HRG: variants seen among roughly 807,000 people sequenced by gnomAD.
HRG encodes histidine-rich glycoprotein.
A neutral mutation model predicts 29.5 loss-of-function variants in HRG; 26 were observed. The observed-to-expected ratio is 0.88, with a 90% CI of 0.65 to 1.22. The LOEUF is 1.22. Ranked by LOEUF, HRG falls within the 50% of genes most tolerant of loss-of-function variation. HRG has a pLI of 0.00. For missense variants in HRG, 671 were observed against 654.5 expected (o/e 1.03, Z -0.28); for synonymous variants, 243 against 240.4 (o/e 1.01, Z -0.10).
At chr3:186,667,464 CTTCAG>C (rs780976507) in intron 1 of HRG, among the ~76,000 whole-genome samples, 1 of 152,048 alleles carries the variant, frequency 6.6e-6, no homozygotes, top group Non-Finnish European at 1.5e-5. Context: ...TTCCCATTTT[CTTCAG>C]TTCAAAGGAC....
At chr3:186,669,245 C>T (rs1718709726) in intron 2 of HRG, among the ~76,000 whole-genome samples, 194 bp downstream of exon 2, 3 of 152,190 alleles carry the variant, frequency 2.0e-5, no homozygotes, top group Admixed American at 2.0e-4. Flanking sequence ...GACAACTCAG[C>T]AGGGTGTGTG....
chr3:186,677,885 A>T lies in HRG; in HGVS notation c.*2A>T, dbSNP rs962473855. 6.2e-7 allele frequency: 1 copy of T among 1,612,060 alleles called. No homozygotes were observed. The highest frequency in any genetic ancestry group is 1.3e-5 in the African/African-American group (1 of 74,902). The stretch of plus-strand genomic sequence containing the variant: ...TTTACACATACATTTCCAAAATAAA[A>T]TGTGATTCCTTTGAAGAGGAAAATG... On this transcript the variant is annotated 3_prime_UTR_variant, in exon 7 of 7. Coordinates refer to ENST00000232003, the MANE Select transcript of HRG (RefSeq NM_000412.5).
chr3:186,671,974 C>T (rs1453917162), intron 4 of HRG, among the ~76,000 whole-genome samples, 185 bp downstream of exon 4: 2 of 19,638 alleles, frequency 1.0e-4, no homozygotes, highest in African/African-American at 1.4e-4. Flanking sequence ...TTTCCTCAAA[C>T]ACTTTTTTTT....
intron 5 of HRG, chr3:186,673,082 A>G (rs1718857072): frequency 3.2e-6 from 2 of 623,444 alleles, no homozygotes; most frequent in South Asian, 1.9e-5. Context: ...CTTCTAAGTG[A>G]TTTACACATC....
chr3:186,677,069 T>A lies in HRG; in HGVS notation c.764T>A (p.Val255Glu). 1 of 1,614,076 alleles carries A rather than the reference T, an allele frequency of 6.2e-7. No homozygotes were observed. The highest frequency in any genetic ancestry group is 8.5e-7 in the Non-Finnish European group (1 of 1,179,936). The change falls in exon 7 of 7, where the codon GTA (valine) becomes GAA (glutamate). Residue 255 changes from valine to glutamate, a missense_variant. By Grantham distance (121) the Val-to-Glu change is moderately radical. Coordinates refer to ENST00000232003, the MANE Select transcript of HRG (RefSeq NM_000412.5). ...DPQEHENING[V>E]PPHLGHPFHW... ...CAGGAACATGAGAACATCAATGGTG[T>A]ACCGCCTCATTTGGGACATCCCTTC...
chr3:186,667,683 G>C (rs1718657096), intron 1 of HRG, among the ~76,000 whole-genome samples: 1 of 151,978 alleles, frequency 6.6e-6, no homozygotes, highest in Admixed American at 6.6e-5. Flanking sequence ...GTGAATTCCT[G>C]GCACCACCAC....
chr3:186,668,236 G>T (rs1459303461), intron 1 of HRG, among the ~76,000 whole-genome samples: 1 of 152,090 alleles, frequency 6.6e-6, no homozygotes, highest in South Asian at 2.1e-4. Flanking sequence ...CAAGAGACAG[G>T]GACATGAAGT....
Position 186,668,687 on chromosome 3 carries a change from G to A in HRG, c.184-248G>A, listed in dbSNP as rs565128560. ...ATGCCTCCGCTAAACCACCACTGCC[G>A]TTTAGTGATAGCTTCTTCAAGTTTA... On this transcript the variant is annotated intron_variant, in intron 1 of 6. Transcript: ENST00000232003. 18 of 475,546 alleles carry A rather than the reference G, an allele frequency of 3.8e-5. No individual in the cohort carries two copies. The East Asian group carries it at 4.4e-4, about 12-fold the overall frequency. 29.5% of individuals were successfully genotyped at this position (475,546 alleles called of 1,614,324 possible).
rs886729944 is a variant in HRG at position 186,677,809 on chromosome 3, G to A, written c.1504G>A (p.Glu502Lys). The change falls in exon 7 of 7, where the codon GAA becomes AAA. Residue 502 changes from glutamate (E) to lysine (K), a missense_variant. Coordinates refer to ENST00000232003, the MANE Select transcript of HRG (RefSeq NM_000412.5). The stretch of plus-strand genomic sequence containing the variant: ...TCAGCCCTTTCCTCAATCAGTCTCT[G>A]AATCATGTCCAGGGAAGTTCAAGAG... ...DNQPFPQSVSESCPGKFKSGF... is the reference protein window; with the variant it reads ...DNQPFPQSVSKSCPGKFKSGF... 6.2e-7 allele frequency: 1 copy of A among 1,614,152 alleles called. No homozygotes were observed. The highest frequency in any genetic ancestry group is 1.7e-5 in the Admixed American group (1 of 60,016).
At position 186,671,466 on chromosome 3, in the gene HRG, C is replaced by T. The variant is rs564539491; in HGVS notation, c.392-157C>T. On this transcript the variant is annotated intron_variant, in intron 3 of 6. Coordinates refer to ENST00000232003, the MANE Select transcript of HRG (RefSeq NM_000412.5). Reference sequence around the variant, plus strand: ...CGAAGGAAGAATCAGCAGTTTAGTTCGGTTGCCAAATGGCTGATTGATCTT... The same window carrying T: ...CGAAGGAAGAATCAGCAGTTTAGTTTGGTTGCCAAATGGCTGATTGATCTT... Among the ~76,000 whole-genome samples, 7 of 151,964 alleles carry T rather than the reference C, an allele frequency of 4.6e-5. No individual in the cohort carries two copies. In the East Asian group the frequency reaches 9.6e-4, roughly 21 times the overall value.
At chr3:186,671,890 G>T in intron 4 of HRG, 101 bp downstream of exon 4, 1 of 990,282 alleles carries the variant, frequency 1.0e-6, no homozygotes, top group Non-Finnish European at 1.6e-6. Context: ...CAATTGACTA[G>T]CTGCCTTTTA....
At chr3:186,671,542 A>C in intron 3 of HRG, 81 bp from the exon 4 acceptor site, 1 of 1,427,600 alleles carries the variant, frequency 7.0e-7, no homozygotes, top group Middle Eastern at 1.8e-4. Flanking sequence ...CCTTAAAATG[A>C]AAGTTATTGT....
intron 3 of HRG, among the ~76,000 whole-genome samples, chr3:186,671,228 A>C (rs1718778127): frequency 2.5e-4 from 2 of 8,016 alleles, no homozygotes; most frequent in Admixed American, 5.2e-3. Flanking sequence ...TCATATTAAT[A>C]CCTAAATATA....
intron 6 of HRG, among the ~76,000 whole-genome samples, 195 bp downstream of exon 6, chr3:186,675,385 G>A (rs1350757160): frequency 6.6e-6 from 1 of 151,958 alleles, no homozygotes; most frequent in Non-Finnish European, 1.5e-5. Flanking sequence ...GAGAGAGACA[G>A]ACAGACATGC....
rs1458673921 is a variant in HRG, at chr3:186,671,708, C to T, written c.477C>T (p.Asn159=). The T allele has an allele frequency of 6.2e-7, 1 of 1,613,986 alleles. No individual in the cohort carries two copies. The highest frequency in any genetic ancestry group is 1.1e-5 in the South Asian group (1 of 91,072). ...EDTERYRKQA[N]KALEKYKEEN... is the part of the protein sequence containing the mutation. ...CTGAGCGCTACAGAAAACAAGCCAACAAAGCCCTTGAGAAGTACAAAGAGG... is the reference window on the plus strand; with the variant it reads ...CTGAGCGCTACAGAAAACAAGCCAATAAAGCCCTTGAGAAGTACAAAGAGG... Residue 159 remains asparagine, a synonymous_variant, in exon 4 of 7, where the codon AAC becomes AAT. Coordinates refer to ENST00000232003, the MANE Select transcript of HRG (RefSeq NM_000412.5).
intron 5 of HRG, 65 bp downstream of exon 5, chr3:186,672,932 AGAAGGAGAAGGAGAAGGAGAG>A (rs921703097): frequency 2.1e-6 from 2 of 950,280 alleles, no homozygotes. Flanking sequence ...GAGAAGAAGG[AGAAGGAGAAGGAGAAGGAGAG>A]GAAGGAGAAG....
rs767975376 is a variant in HRG, at chr3:186,670,931, AC to A, written c.392-691del. 2.4e-3 allele frequency among the ~76,000 whole-genome samples: 365 copies of A among 152,300 alleles called. 2 individuals carry two copies. Among genetic ancestry groups the A allele is most frequent in the Non-Finnish European group, 4.2e-3 (286 of 68,038 alleles). On this transcript the variant is annotated intron_variant, in intron 3 of 6. Coordinates refer to ENST00000232003, the MANE Select transcript of HRG (RefSeq NM_000412.5). ...AGCAAATCCAAATATGATATTATAT[AC>A]AAAAATGCAAGATACTGCCACAGGA...
intron 2 of HRG, chr3:186,669,700 G>A: frequency 1.8e-6 from 1 of 549,678 alleles, no homozygotes; most frequent in Non-Finnish European, 3.3e-6. Flanking sequence ...TTGGGGTATG[G>A]CCATGATGCT....
rs1126720 is a variant in HRG at position 186,666,148 on chromosome 3, T to C, written c.117T>C (p.Asn39=). The change falls in exon 1 of 7, where the codon AAT becomes AAC. Residue 39 remains asparagine (N), a synonymous_variant. Coordinates refer to ENST00000232003, the MANE Select transcript of HRG (RefSeq NM_000412.5). ...PEAEKALDLI[N]KRRRDGYLFQ... The stretch of plus-strand genomic sequence containing the variant: ...CTGAGAAAGCTCTAGACCTGATCAA[T>C]AAAAGGCGACGGGATGGCTACCTTT... 6.8e-5 allele frequency: 109 copies of C among 1,614,098 alleles called. No individual in the cohort carries two copies. The highest frequency in any genetic ancestry group is 3.3e-4 in the Middle Eastern group (2 of 6,084).
Sources: gnomAD v4.1 joint callset for allele counts (sites outside exome capture counted in the v4.1 genomes callset) on GRCh38, gnomAD v4.1.1 for gene constraint, MANE v1.5 for transcripts, NCBI Gene and HGNC (gene_info 2026-07-23, HGNC 2026-07-21) for gene names.